Variants in MRPL28 observed in about 807,000 individuals in gnomAD.
The protein encoded by MRPL28 is mitochondrial ribosomal protein L28, also known as large ribosomal subunit protein bL28m.
In MRPL28, 25 loss-of-function variants were observed where a neutral mutation model predicts 26.2. That is an observed-to-expected ratio of 0.95 (90% CI 0.69 to 1.33). The LOEUF is 1.33. MRPL28 is among the 40% of genes most tolerant of loss of function. The pLI, the probability that MRPL28 is intolerant of heterozygous loss-of-function variation, is 0.00. For synonymous variants in MRPL28, 227 were observed against 140.1 expected, an observed-to-expected ratio of 1.62 and a Z score of -4.38; for missense variants, 432 against 327.2, an observed-to-expected ratio of 1.32 and a Z score of -2.47.
intron 5 of MRPL28, among the ~76,000 whole-genome samples, 177 bp downstream of exon 5, chr16:368,151 C>T (rs537438886): frequency 3.3e-5 from 5 of 152,306 alleles, no homozygotes; most frequent in Admixed American, 2.6e-4. Flanking sequence ...AGGGTGGGGA[C>T]TTGGAGGGGA....
At chr16:370,275 G>A (rs1353097966) in intron 1 of MRPL28, 50 bp from the exon 2 acceptor site, 5 of 1,473,038 alleles carry the variant, frequency 3.4e-6, no homozygotes, top group East Asian at 2.5e-5. Context: ...CCAGGCCCCC[G>A]GCACTCACCC....
At chr16:368,120 C>CTGA (rs1315783741) in intron 5 of MRPL28, among the ~76,000 whole-genome samples, 1 of 152,210 alleles carries the variant, frequency 6.6e-6, no homozygotes, top group Non-Finnish European at 1.5e-5. Flanking sequence ...ACTCCTCCTA[C>CTGA]TGAGGGTCCT....
At chr16:368,054 T>C (rs1332478175) in intron 5 of MRPL28, among the ~76,000 whole-genome samples, 1 of 152,206 alleles carries the variant, frequency 6.6e-6, no homozygotes, top group East Asian at 1.9e-4. Flanking sequence ...GACAGCTACC[T>C]CAGGCTCCAG....
chr16:369,827 T>C (rs943181140), intron 2 of MRPL28, 104 bp downstream of exon 2: 1 of 1,413,320 alleles, frequency 7.1e-7, no homozygotes, highest in East Asian at 2.3e-5. Flanking sequence ...CAGGCTGTAA[T>C]CCCCAGGGCC....
chr16:369,302 C>G (rs1001585924), intron 2 of MRPL28, 82 bp from the exon 3 acceptor site: 9 of 1,523,654 alleles, frequency 5.9e-6, no homozygotes, highest in Non-Finnish European at 8.0e-6. Flanking sequence ...CCCTCACCTC[C>G]CCCCCGGAGG....
At position 369,919 on chromosome 16, in the gene MRPL28, C is replaced by T. The variant is rs1167177364; in HGVS notation, c.288+12G>A. 3 of 1,602,396 alleles carry T rather than the reference C, an allele frequency of 1.9e-6. No individual in the cohort carries two copies. In the African/African-American group the frequency reaches 4.0e-5, roughly 21 times the overall value. On this transcript the variant is annotated intron_variant, in intron 2 of 5. Coordinates refer to ENST00000199706, the MANE Select transcript of MRPL28 (RefSeq NM_006428.5). The stretch of plus-strand genomic sequence containing the variant: ...CCTGAGAGGAGCCCCTGAAGGCCGC[C>T]TGCGGACCCACCTTGTCGTTGTTGG...
At chr16:368,480 G>A (rs764086040) in intron 4 of MRPL28, 21 bp downstream of exon 4, 3 of 1,610,512 alleles carry the variant, frequency 1.9e-6, no homozygotes, top group Non-Finnish European at 1.7e-6. Context: ...CAGGTGTAGG[G>A]AGCGGGACGG....
At chr16:370,334 A>ACCCCCTAC in intron 1 of MRPL28, 109 bp from the exon 2 acceptor site, 3 of 1,056,248 alleles carry the variant, frequency 2.8e-6, no homozygotes, top group African/African-American at 5.0e-5. Flanking sequence ...CCCGGCTCTC[A>ACCCCCTAC]CCCGCTACCC....
At position 370,014 on chromosome 16, in the gene MRPL28, T is replaced by C; in HGVS notation, c.205A>G (p.Ile69Val). Reference protein sequence around the residue: ...RERVEDVPIPIYFPPESQRGL... With the variant: ...RERVEDVPIPVYFPPESQRGL... ...CGCTGGGATTCGGGGGGAAAGTAGA[T>C]GGGAATGGGCACGTCCTCCACACGC... Residue 69 changes from isoleucine to valine, a missense_variant, in exon 2 of 6, where the codon ATC becomes GTC. By Grantham distance (29) the Ile-to-Val change is conservative. Coordinates refer to ENST00000199706, the MANE Select transcript of MRPL28 (RefSeq NM_006428.5). 1 of 1,613,274 alleles carries C rather than the reference T, an allele frequency of 6.2e-7. No homozygotes were observed. Among genetic ancestry groups the C allele is most frequent in the East Asian group, 2.2e-5 (1 of 44,890 alleles).
chr16:367,410 T>G lies in MRPL28; in HGVS notation c.*265A>C. On this transcript the variant is annotated 3_prime_UTR_variant, in exon 6 of 6. Transcript: ENST00000199706. ...ACACACACACAGCCTGGCCCAGACT[T>G]TACTCGCTCCCGGCCCCACGGGCAC... The G allele has an allele frequency of 1.4e-6, 1 of 709,406 alleles. No individual in the cohort carries two copies. Among genetic ancestry groups the G allele is most frequent in the Non-Finnish European group, 2.6e-6 (1 of 379,340 alleles). The allele number at this position is 709,406 out of a possible 1,614,324, so 43.9% of individuals were successfully genotyped here.
intron 3 of MRPL28, 26 bp downstream of exon 3, chr16:369,042 G>T: frequency 1.2e-6 from 2 of 1,610,052 alleles, no homozygotes; most frequent in Non-Finnish European, 1.7e-6. Context: ...GACCCTGTGT[G>T]CACTGACTCG....
At chr16:368,754 G>T (rs773868534) in intron 3 of MRPL28, 119 bp from the exon 4 acceptor site, 38 of 1,443,810 alleles carry the variant, frequency 2.6e-5, no homozygotes, top group Non-Finnish European at 3.4e-5. Context: ...GAGAAGGCCC[G>T]GGTGGGGCCG....
In MRPL28 at chr16:367,512, C is replaced by A. The variant is rs755372115; in HGVS notation, c.*163G>T. On this transcript the variant is annotated 3_prime_UTR_variant, in exon 6 of 6. Coordinates refer to ENST00000199706, the MANE Select transcript of MRPL28 (RefSeq NM_006428.5). Reference sequence around the variant, plus strand: ...GGCCCAGGCCTCCTGGGGATCCCTGCCAAGCTGGCCCCGGGCTGGAAGGTG... The same window carrying A: ...GGCCCAGGCCTCCTGGGGATCCCTGACAAGCTGGCCCCGGGCTGGAAGGTG... 1.3e-6 allele frequency: 1 copy of A among 747,306 alleles called. No individual in the cohort carries two copies. 46.3% of individuals were successfully genotyped at this position (747,306 alleles called of 1,614,324 possible). A position where few individuals can be genotyped will look rare whatever the true frequency, so the allele number is the denominator to read the frequency against.
rs1238745984 is a variant in MRPL28 at position 370,382 on chromosome 16, T to A, written c.-8+117A>T. On this transcript the variant is annotated intron_variant, in intron 1 of 5. Transcript: ENST00000199706. ...CTCACCCGCTACCCCGGCCCCCGGC[T>A]CTCACCCGCTACCCCCTACCCCGGC... 6.1e-4 allele frequency: 550 copies of A among 899,224 alleles called. 17 individuals are homozygous for A. Among genetic ancestry groups the A allele is most frequent in the African/African-American group, 1.9e-3 (66 of 33,898 alleles). 55.7% of individuals were successfully genotyped at this position (899,224 alleles called of 1,614,324 possible).
In MRPL28 at chr16:368,549, C is replaced by T; in HGVS notation, c.528G>A (p.Leu176=). 1 of 1,596,338 alleles carries T rather than the reference C, an allele frequency of 6.3e-7. No individual in the cohort carries two copies. Among genetic ancestry groups the T allele is most frequent in the Non-Finnish European group, 8.6e-7 (1 of 1,169,160 alleles). The change falls in exon 4 of 6, where the codon CTG becomes CTA. Residue 176 remains leucine (L), a synonymous_variant. Coordinates refer to ENST00000199706, the MANE Select transcript of MRPL28 (RefSeq NM_006428.5). ...CCCGCCGCTCGGGGTCCTCGGGGTG[C>T]AGCTGGGGGTCCTGCCGGGCAAGCC... is the stretch of plus-strand genomic sequence containing the variant. ...LLRLARQDPQ[L]HPEDPERRAA...
chr16:368,002 TA>T (rs1567318234), intron 5 of MRPL28, among the ~76,000 whole-genome samples: 1 of 152,194 alleles, frequency 6.6e-6, no homozygotes. Context: ...ACAGAGGGAA[TA>T]GGGGCAGCCA....
chr16:368,834 G>T, intron 3 of MRPL28, 199 bp from the exon 4 acceptor site: 1 of 1,029,880 alleles, frequency 9.7e-7, no homozygotes, highest in Non-Finnish European at 1.4e-6. Flanking sequence ...AGGGGCGGCT[G>T]TGCTCGCTCA....
At position 369,221 on chromosome 16, in the gene MRPL28, C is replaced by G. The variant is rs1273151529; in HGVS notation, c.289-1G>C. On this transcript the variant is annotated splice_acceptor_variant, in intron 2 of 5. Transcript: ENST00000199706. LOFTEE classifies it high-confidence loss of function. ...ACACTTTCTTCAGCCTCTTGGAGAG[C>G]TGAGGGTGCAACAGAGCCTCCATGA... The G allele has an allele frequency of 3.7e-6, 6 of 1,613,754 alleles. No homozygotes were observed. In the Admixed American group the frequency reaches 8.3e-5, roughly 22 times the overall value.
chr16:369,175 G>A lies in MRPL28; in HGVS notation c.334C>T (p.Arg112Ter), dbSNP rs776729941. The A allele has an allele frequency of 1.5e-5, 25 of 1,613,922 alleles. No individual in the cohort carries two copies. The highest frequency in any genetic ancestry group is 8.3e-5 in the Admixed American group (5 of 60,002). Residue 112 changes from arginine (R) to a stop codon, truncating the protein, a stop_gained, in exon 3 of 6, where the codon CGA becomes TGA. Transcript: ENST00000199706. LOFTEE classifies it high-confidence loss of function. ...TCCAGGATCTCACTGTAGAACTCTC[G>A]CTCAAACAGCTGTGGCTTCCACACT... ...KKVWKPQLFE[R>*]EFYSEILDKK...
Sources: allele counts gnomAD v4.1 joint callset (sites outside exome capture counted in the v4.1 genomes callset), GRCh38; gene constraint gnomAD v4.1.1; transcripts MANE v1.5; gene names NCBI Gene and HGNC (gene_info 2026-07-23, HGNC 2026-07-21).